SLC14A1: variants seen among roughly 807,000 people sequenced by gnomAD.
SLC14A1 encodes urea transporter 1.
SLC14A1 carries 36 observed loss-of-function variants against 39.6 expected under a neutral mutation model. The ratio of observed to expected loss-of-function variants is 0.91; its 90% CI spans 0.70 to 1.20. The LOEUF is 1.20. SLC14A1 is among the 50% of genes most tolerant of loss of function. The pLI, the probability that SLC14A1 is intolerant of heterozygous loss-of-function variation, is 0.00. For synonymous variants in SLC14A1, 164 were observed against 173.6 expected (o/e 0.94, Z 0.43); for missense variants, 469 against 478.7 (o/e 0.98, Z 0.19).
chr18:45,750,701 A>G lies in SLC14A1; in HGVS notation c.*750A>G, dbSNP rs2047680226. The G allele has an allele frequency of 1.0e-6, 1 of 984,898 alleles. No individual in the cohort carries two copies. Among genetic ancestry groups the G allele is most frequent in the Non-Finnish European group, 1.2e-6 (1 of 829,532 alleles). 61.0% of individuals were successfully genotyped at this position (984,898 alleles called of 1,614,324 possible). On this transcript the variant is annotated 3_prime_UTR_variant, in exon 10 of 10. Transcript: ENST00000321925. ...CCTTATGAAAAATGATCTGTTTTAA[A>G]TGAGATAAAATAGGAGAAGTTCCTG... is the stretch of plus-strand genomic sequence containing the variant.
chr18:45,750,248 G>A lies in SLC14A1; in HGVS notation c.*297G>A, dbSNP rs2047671712. ...AAGTGCTCCAACAGAAGGAGGAAGT[G>A]AAAACAAACTATTAGTATTTATTGA... is the stretch of plus-strand genomic sequence containing the variant. On this transcript the variant is annotated 3_prime_UTR_variant, in exon 10 of 10. Transcript: ENST00000321925. The A allele has an allele frequency of 7.6e-7, 1 of 1,321,034 alleles. No individual in the cohort carries two copies. Among genetic ancestry groups the A allele is most frequent in the African/African-American group, 1.5e-5 (1 of 67,308 alleles). The allele number at this position is 1,321,034 out of a possible 1,614,324, so 81.8% of individuals were successfully genotyped here.
rs2047711338 is a variant in SLC14A1, at chr18:45,751,567, C to T, written c.*1616C>T. 1 of 960,120 alleles carries T rather than the reference C, an allele frequency of 1.0e-6. No individual in the cohort carries two copies. Among genetic ancestry groups the T allele is most frequent in the Non-Finnish European group, 1.2e-6 (1 of 807,332 alleles). 59.5% of individuals were successfully genotyped at this position (960,120 alleles called of 1,614,324 possible). On this transcript the variant is annotated 3_prime_UTR_variant, in exon 10 of 10. Transcript: ENST00000321925. ...TGGAGGTAAAAGGATCTCTTGAGCC[C>T]AGGAGTTCAAGACCAGCTTGGGCAA... is the stretch of plus-strand genomic sequence containing the variant.
At chr18:45,724,723 T>C (rs889299406) in intron 1 of SLC14A1, among the ~76,000 whole-genome samples, 4 of 152,162 alleles carry the variant, frequency 2.6e-5, no homozygotes, top group Non-Finnish European at 4.4e-5. Context: ...CAGTGATGGA[T>C]TTATGGACTC....
At chr18:45,732,405 C>T (rs1359683449) in intron 4 of SLC14A1, among the ~76,000 whole-genome samples, 4 of 152,198 alleles carry the variant, frequency 2.6e-5, no homozygotes, top group African/African-American at 9.7e-5. Context: ...GTCTGCATGG[C>T]TCTCTACTGT....
chr18:45,739,881 T>C (rs895457202), intron 8 of SLC14A1: 4 of 605,144 alleles, frequency 6.6e-6, no homozygotes, highest in Admixed American at 2.8e-5. Context: ...CAGGAGCCTA[T>C]TGAGTCATAT....
At position 45,749,782 on chromosome 18, in the gene SLC14A1, G is replaced by T. The variant is rs2047659576; in HGVS notation, c.1001G>T (p.Gly334Val). The T allele has an allele frequency of 6.2e-7, 1 of 1,614,032 alleles. No individual in the cohort carries two copies. The highest frequency in any genetic ancestry group is 8.5e-7 in the Non-Finnish European group (1 of 1,180,048). ...TGGCTTTCTCTTCTTCCCCAGGTTGGATTGCCAGCTTGTACCTGGCCCTTC... is the reference window on the plus strand; with the variant it reads ...TGGCTTTCTCTTCTTCCCCAGGTTGTATTGCCAGCTTGTACCTGGCCCTTC... ...VGMANFMAEVGLPACTWPFCL... is the reference protein window; with the variant it reads ...VGMANFMAEVVLPACTWPFCL... Residue 334 changes from glycine to valine, a missense_variant, in exon 10 of 10, where the codon GGA becomes GTA. Physicochemically the swap from Gly to Val is moderately radical, Grantham distance 109. Transcript: ENST00000321925.
At chr18:45,748,502 C>A in intron 9 of SLC14A1, 77 bp downstream of exon 9, 1 of 1,460,554 alleles carries the variant, frequency 6.8e-7, no homozygotes, top group South Asian at 1.1e-5. Flanking sequence ...TCCTGAAGTC[C>A]ACTGGGCTGG....
intron 2 of SLC14A1, among the ~76,000 whole-genome samples, chr18:45,726,505 G>A (rs891581962): frequency 6.6e-6 from 1 of 152,144 alleles, no homozygotes; most frequent in African/African-American, 2.4e-5. Flanking sequence ...CAAAATTTAA[G>A]AGTTCTTGGC....
chr18:45,733,886 C>A (rs1488944174), intron 4 of SLC14A1, among the ~76,000 whole-genome samples: 6 of 152,132 alleles, frequency 3.9e-5, no homozygotes, highest in Admixed American at 3.9e-4. Flanking sequence ...AGAGTGCGAA[C>A]CCCATTATGA....
At chr18:45,739,343 A>G (rs1307717724) in intron 7 of SLC14A1, 33 bp downstream of exon 7, 1 of 1,613,442 alleles carries the variant, frequency 6.2e-7, no homozygotes, top group Non-Finnish European at 8.5e-7. Context: ...AATATTGAGC[A>G]CCTCCTCCAT....
At chr18:45,739,839 A>G (rs183851139) in intron 8 of SLC14A1, 177 bp downstream of exon 8, 12 of 684,604 alleles carry the variant, frequency 1.8e-5, no homozygotes, top group Non-Finnish European at 2.3e-5. Flanking sequence ...CATTAAAATC[A>G]CCTCTGCCTA....
At chr18:45,746,168 G>A (rs921190512) in intron 8 of SLC14A1, among the ~76,000 whole-genome samples, 3 of 152,178 alleles carry the variant, frequency 2.0e-5, no homozygotes, top group South Asian at 2.1e-4. Flanking sequence ...TTGGGTTATC[G>A]CAGTGGGACT....
At chr18:45,749,162 A>G (rs2047638710) in intron 9 of SLC14A1, among the ~76,000 whole-genome samples, 1 of 151,944 alleles carries the variant, frequency 6.6e-6, no homozygotes, top group African/African-American at 2.4e-5. Context: ...TAACTCCCCC[A>G]GATGATTCTG....
Position 45,749,899 on chromosome 18 carries a change from A to T in SLC14A1, c.1118A>T (p.Asn373Ile), listed in dbSNP as rs35942326. Residue 373 changes from asparagine to isoleucine, a missense_variant, in exon 10 of 10, where the codon AAC (asparagine) becomes ATC (isoleucine). By Grantham distance (149) the Asn-to-Ile change is moderately radical. Transcript: ENST00000321925. Reference sequence around the variant, plus strand: ...AGTAAAGTTACTTATCCTGAAGAAAACCGCATCTTCTACCTGCAAGCCAAG... The same window carrying T: ...AGTAAAGTTACTTATCCTGAAGAAATCCGCATCTTCTACCTGCAAGCCAAG... ...PLSKVTYPEE[N>I]RIFYLQAKKR... The T allele has an allele frequency of 6.2e-5, 100 of 1,614,096 alleles. No homozygotes were observed. In the African/African-American group the frequency reaches 1.1e-3, roughly 17 times the overall value.
chr18:45,739,106 T>G, intron 6 of SLC14A1, 57 bp from the exon 7 acceptor site: 1 of 1,591,004 alleles, frequency 6.3e-7, no homozygotes, highest in Non-Finnish European at 8.6e-7. Context: ...GTGGGTGTCC[T>G]GTGGGTTTCT....
In SLC14A1 at chr18:45,750,617, T is replaced by C; in HGVS notation, c.*666T>C. On this transcript the variant is annotated 3_prime_UTR_variant, in exon 10 of 10. Coordinates refer to ENST00000321925, the MANE Select transcript of SLC14A1 (RefSeq NM_015865.7). ...AAAGGAATTTTGTCAATCAAAATTA[T>C]TCTGTATTGCAACTTTTCTCAGAGA... 5 of 986,706 alleles carry C rather than the reference T, an allele frequency of 5.1e-6. No homozygotes were observed. Among genetic ancestry groups the C allele is most frequent in the South Asian group, 4.7e-5 (1 of 21,348 alleles). The allele number at this position is 986,706 out of a possible 1,614,324, so 61.1% of individuals were successfully genotyped here.
intron 8 of SLC14A1, among the ~76,000 whole-genome samples, chr18:45,743,219 G>A (rs987887005): frequency 6.6e-6 from 1 of 152,186 alleles, no homozygotes; most frequent in African/African-American, 2.4e-5. Flanking sequence ...GGATCCTTGT[G>A]ATTACATTGG....
chr18:45,749,973 A>G lies in SLC14A1; in HGVS notation c.*22A>G, dbSNP rs751561737. 4.3e-6 allele frequency: 7 copies of G among 1,614,074 alleles called. No individual in the cohort carries two copies. Among genetic ancestry groups the G allele is most frequent in the Non-Finnish European group, 5.9e-6 (7 of 1,180,046 alleles). ...GTGAGAACAAGCCCCATTTGCAGCCATGGTCACGAGTCATTTCTGCCTGAC... is the reference window on the plus strand; with the variant it reads ...GTGAGAACAAGCCCCATTTGCAGCCGTGGTCACGAGTCATTTCTGCCTGAC... On this transcript the variant is annotated 3_prime_UTR_variant, in exon 10 of 10. Transcript: ENST00000321925.
In SLC14A1 at chr18:45,751,213, G is replaced by A. The variant is rs1039152634; in HGVS notation, c.*1262G>A. The A allele has an allele frequency of 8.1e-6, 3 of 371,244 alleles. No individual in the cohort carries two copies. Among genetic ancestry groups the A allele is most frequent in the Admixed American group, 6.5e-5 (1 of 15,472 alleles). 23.0% of individuals were successfully genotyped at this position (371,244 alleles called of 1,614,324 possible). On this transcript the variant is annotated 3_prime_UTR_variant, in exon 10 of 10. Coordinates refer to ENST00000321925, the MANE Select transcript of SLC14A1 (RefSeq NM_015865.7). ...AAATTAGCCAGGCATGGTGGTGGGT[G>A]CCTGTAGTTCCAGCTACTTGGGAGG...
Sources: gnomAD v4.1 joint callset for allele counts (sites outside exome capture counted in the v4.1 genomes callset) on GRCh38, gnomAD v4.1.1 for gene constraint, MANE v1.5 for transcripts, NCBI Gene and HGNC (gene_info 2026-07-23, HGNC 2026-07-21) for gene names.